DPY30: variants seen among roughly 807,000 people sequenced by gnomAD.
DPY30 encodes dpy-30 histone methyltransferase complex regulatory subunit, also known as protein dpy-30 homolog.
Under a neutral mutation model 16.2 loss-of-function variants are expected in DPY30, and 6 were observed. The observed-to-expected ratio is 0.37, with a 90% CI of 0.20 to 0.73. DPY30 has a LOEUF of 0.73. DPY30 is among the 30% of genes least tolerant of loss of function. The pLI is 0.51. For missense variants in DPY30, 73 were observed against 113.1 expected (o/e 0.65, Z 1.61); for synonymous variants, 39 against 38.8 (o/e 1.00, Z -0.02).
intron 5 of DPY30, chr2:32,012,917 T>C (rs1389031993): frequency 6.6e-6 from 1 of 152,226 alleles, no homozygotes; most frequent in Non-Finnish European, 1.5e-5. Flanking sequence ...TATTTATTGC[T>C]GATTTTGTTT....
chr2:32,024,826 ACTT>A (rs1675271187), intron 4 of DPY30, among the ~76,000 whole-genome samples: 2 of 151,800 alleles, frequency 1.3e-5, no homozygotes, highest in South Asian at 4.2e-4. Context: ...TCTAAAAGCT[ACTT>A]CTTTCTTTCT....
chr2:32,021,732 C>A (rs149093513), downstream of DPY30, among the ~76,000 whole-genome samples: 3 of 151,160 alleles, frequency 2.0e-5, no homozygotes, highest in African/African-American at 7.3e-5. Context: ...GTCATGTTCA[C>A]CAGGTGACAG....
At chr2:32,025,393 G>T (rs969413396) in intron 4 of DPY30, among the ~76,000 whole-genome samples, 164 of 152,132 alleles carry the variant, frequency 1.1e-3, no homozygotes, top group African/African-American at 3.7e-3. Context: ...AACCCGGGAG[G>T]TGGAGGTTGC....
At chr2:32,031,196 G>A (rs1046998668) in intron 3 of DPY30, among the ~76,000 whole-genome samples, 7 of 151,984 alleles carry the variant, frequency 4.6e-5, no homozygotes, top group Non-Finnish European at 7.4e-5. Context: ...GCCAAGGCAC[G>A]CCGACCATGA....
At chr2:32,032,492 G>A (rs192299906) in intron 3 of DPY30, among the ~76,000 whole-genome samples, 7 of 152,146 alleles carry the variant, frequency 4.6e-5, no homozygotes, top group South Asian at 4.1e-4. Context: ...AAGACAATGC[G>A]GCAAACTTCA....
chr2:32,033,325 T>G (rs1657907869), intron 3 of DPY30, among the ~76,000 whole-genome samples: 1 of 150,000 alleles, frequency 6.7e-6, no homozygotes, highest in Admixed American at 6.7e-5. Flanking sequence ...GAAAAAAAAT[T>G]TTAACTTGTT....
At chr2:32,038,738 T>A (rs1675851739) in intron 3 of DPY30, among the ~76,000 whole-genome samples, 1 of 151,048 alleles carries the variant, frequency 6.6e-6, no homozygotes, top group Non-Finnish European at 1.5e-5. Flanking sequence ...CAACCTGTCT[T>A]CCAGATTCAA....
At chr2:32,027,864 A>C (rs1675391833) in intron 4 of DPY30, among the ~76,000 whole-genome samples, 1 of 151,904 alleles carries the variant, frequency 6.6e-6, no homozygotes, top group Non-Finnish European at 1.5e-5. Context: ...TCCTGACCTC[A>C]TGATCTGCCC....
intron 3 of DPY30, among the ~76,000 whole-genome samples, chr2:32,035,134 T>C (rs1675688217): frequency 1.3e-5 from 2 of 148,934 alleles, no homozygotes; most frequent in East Asian, 4.0e-4. Context: ...TTATAATGTA[T>C]CCCTGCCAGG....
chr2:32,037,153 A>G (rs536326693), intron 3 of DPY30, among the ~76,000 whole-genome samples: 2 of 152,344 alleles, frequency 1.3e-5, no homozygotes, highest in African/African-American at 4.8e-5. Flanking sequence ...AGAAATGTTC[A>G]AGGAAGCCCT....
At chr2:32,020,804 T>C (rs1305567681), downstream of DPY30, 2 of 152,114 alleles carry the variant, frequency 1.3e-5, no homozygotes, top group Non-Finnish European at 2.9e-5. Context: ...GGCACATAAA[T>C]ACTCAAGTAA....
chr2:32,031,870 G>A lies in DPY30; in HGVS notation c.85-2134C>T, dbSNP rs547251420. Among the ~76,000 whole-genome samples, 3 of 151,656 alleles carry A rather than the reference G, an allele frequency of 2.0e-5. No homozygotes were observed. The South Asian group carries it at 6.2e-4, about 32-fold the overall frequency. On this transcript the variant is annotated intron_variant, in intron 3 of 4. Transcript: ENST00000342166. The stretch of plus-strand genomic sequence containing the variant: ...ATTGCGCCACTGCACTCCAGCCTGG[G>A]TGACAGAGCGAGACTCTGTCTCAAA...
intron 5 of DPY30, among the ~76,000 whole-genome samples, chr2:32,017,979 CA>C (rs1295914138): frequency 1.3e-5 from 2 of 152,264 alleles, no homozygotes; most frequent in East Asian, 3.9e-4. Flanking sequence ...AATGTGAAGA[CA>C]AAGCTAGGAG....
downstream of DPY30, among the ~76,000 whole-genome samples, chr2:32,019,588 G>A (rs754161666): frequency 3.3e-5 from 5 of 151,400 alleles, no homozygotes; most frequent in East Asian, 1.9e-4. Flanking sequence ...TTGGGAGGCC[G>A]AGGCAGGTGG....
At chr2:32,036,747 T>C (rs1675757067) in intron 3 of DPY30, among the ~76,000 whole-genome samples, 1 of 150,308 alleles carries the variant, frequency 6.7e-6, no homozygotes, top group Admixed American at 6.6e-5. Context: ...CGGGTGCCTG[T>C]AGTCCCACCT....
chr2:32,023,644 T>C (rs764634293), downstream of DPY30: 24 of 1,014,076 alleles, frequency 2.4e-5, no homozygotes, highest in Admixed American at 2.3e-4. Flanking sequence ...ATGCTTTTAT[T>C]AGTACTCCAA....
At chr2:32,014,687 G>T (rs555215045) in intron 5 of DPY30, among the ~76,000 whole-genome samples, 11 of 152,028 alleles carry the variant, frequency 7.2e-5, no homozygotes, top group Admixed American at 5.9e-4. Flanking sequence ...GTTTCACCAT[G>T]TTAGCCAGGA....
intron 5 of DPY30, among the ~76,000 whole-genome samples, chr2:32,017,326 G>C (rs1675084480): frequency 6.6e-6 from 1 of 152,040 alleles, no homozygotes; most frequent in Non-Finnish European, 1.5e-5. Flanking sequence ...CACTCTTTAA[G>C]AAACTCTCAG....
downstream of DPY30, among the ~76,000 whole-genome samples, chr2:32,022,564 C>A (rs1675209301): frequency 6.6e-6 from 1 of 151,656 alleles, no homozygotes; most frequent in Admixed American, 6.6e-5. Context: ...GTCGCCCAGG[C>A]TGGAGTGCAG....
Sources: gnomAD v4.1 joint callset for allele counts (sites outside exome capture counted in the v4.1 genomes callset) on GRCh38, gnomAD v4.1.1 for gene constraint, MANE v1.5 for transcripts, NCBI Gene and HGNC (gene_info 2026-07-23, HGNC 2026-07-21) for gene names.